Variants in USP12 observed in about 807,000 individuals in gnomAD.
USP12 encodes ubiquitin specific peptidase 12.
Under a neutral mutation model 45.5 loss-of-function variants are expected in USP12, and 19 were observed. The observed-to-expected ratio is 0.42, with a 90% CI of 0.29 to 0.61. USP12 has a LOEUF of 0.61. Ranked by LOEUF, USP12 falls within the 20% of genes least tolerant of loss-of-function variation. USP12 has a pLI of 0.22. For missense variants in USP12, 242 were observed against 447.7 expected, an observed-to-expected ratio of 0.54 and a Z score of 4.15; for synonymous variants, 149 against 148.8, an observed-to-expected ratio of 1.00 and a Z score of -0.01.
At chr13:27,079,312 A>T (rs1056899906) in intron 6 of USP12, among the ~76,000 whole-genome samples, 2 of 152,176 alleles carry the variant, frequency 1.3e-5, no homozygotes, top group Admixed American at 1.3e-4. Flanking sequence ...GTGTCAGAGA[A>T]CCCCAGAGTC....
At chr13:27,154,849 A>G (rs1877742334) in intron 1 of USP12, among the ~76,000 whole-genome samples, 1 of 152,054 alleles carries the variant, frequency 6.6e-6, no homozygotes, top group Non-Finnish European at 1.5e-5. Context: ...GGGAAGCAGG[A>G]CAGTCGCCGT....
intron 4 of USP12, among the ~76,000 whole-genome samples, chr13:27,092,356 C>T (rs917883279): frequency 2.0e-5 from 3 of 152,132 alleles, no homozygotes; most frequent in Non-Finnish European, 2.9e-5. Context: ...TTGTGGATAT[C>T]GACGAACTTG....
chr13:27,130,688 G>GTATC (rs1876459891), intron 1 of USP12, among the ~76,000 whole-genome samples: 1 of 152,174 alleles, frequency 6.6e-6, no homozygotes, highest in African/African-American at 2.4e-5. Flanking sequence ...CGTATCAACG[G>GTATC]TATCACACTG....
chr13:27,131,082 A>AT (rs1876477820), intron 1 of USP12, among the ~76,000 whole-genome samples: 1 of 152,248 alleles, frequency 6.6e-6, no homozygotes, highest in African/African-American at 2.4e-5. Context: ...AGTAAAATTC[A>AT]TTTTTTAAAA....
intron 3 of USP12, among the ~76,000 whole-genome samples, chr13:27,099,728 CA>C (rs1874777053): frequency 6.6e-6 from 1 of 151,950 alleles, no homozygotes. Flanking sequence ...TTCATATATC[CA>C]AATCCATTCC....
chr13:27,151,226 G>C (rs976493561), intron 1 of USP12, among the ~76,000 whole-genome samples: 2 of 151,984 alleles, frequency 1.3e-5, no homozygotes, highest in African/African-American at 4.8e-5. Flanking sequence ...AGCTACTCGG[G>C]AGTCTGAGGC....
At chr13:27,120,779 T>A (rs1875947365) in intron 1 of USP12, among the ~76,000 whole-genome samples, 1 of 152,166 alleles carries the variant, frequency 6.6e-6, no homozygotes, top group African/African-American at 2.4e-5. Flanking sequence ...CTTAGTACCC[T>A]TACTATAGAA....
intron 1 of USP12, among the ~76,000 whole-genome samples, chr13:27,131,108 A>C (rs1349735896): frequency 6.6e-6 from 1 of 152,270 alleles, no homozygotes; most frequent in South Asian, 2.1e-4. Context: ...ACAGATTTAC[A>C]TATGTTAAAC....
intron 6 of USP12, among the ~76,000 whole-genome samples, chr13:27,084,302 T>C (rs532448047): frequency 9.3e-5 from 14 of 151,118 alleles, no homozygotes; most frequent in African/African-American, 3.2e-4. Context: ...GGTCAAAAGA[T>C]TGAGACCATC....
intron 7 of USP12, among the ~76,000 whole-genome samples, chr13:27,074,908 C>T (rs1160230604): frequency 6.6e-6 from 1 of 151,616 alleles, no homozygotes; most frequent in Non-Finnish European, 1.5e-5. Flanking sequence ...TACACACACC[C>T]CAAAAAAGGA....
At chr13:27,166,698 A>G (rs531329812) in intron 1 of USP12, among the ~76,000 whole-genome samples, 1 of 152,336 alleles carries the variant, frequency 6.6e-6, no homozygotes, top group African/African-American at 2.4e-5. Context: ...AGAGTTTTCA[A>G]GCATATTAAA....
intron 1 of USP12, among the ~76,000 whole-genome samples, chr13:27,144,879 G>A (rs1488537749): frequency 6.6e-6 from 1 of 150,758 alleles, no homozygotes; most frequent in African/African-American, 2.4e-5. Context: ...GGGTAATAGG[G>A]CCAAATCCTG....
At chr13:27,072,394 G>C (rs1484788829) in intron 7 of USP12, among the ~76,000 whole-genome samples, 3 of 152,134 alleles carry the variant, frequency 2.0e-5, no homozygotes, top group African/African-American at 7.2e-5. Flanking sequence ...AGGAACAGTA[G>C]ACAAAAGTTA....
intron 1 of USP12, among the ~76,000 whole-genome samples, chr13:27,151,619 C>A (rs970396325): frequency 6.6e-6 from 1 of 151,820 alleles, no homozygotes; most frequent in African/African-American, 2.4e-5. Context: ...CCCATCTCTA[C>A]AAAAAGTAAA....
chr13:27,075,280 A>C lies in USP12; in HGVS notation c.843T>G (p.Pro281=). 6.2e-7 allele frequency: 1 copy of C among 1,614,152 alleles called. No individual in the cohort carries two copies. Among genetic ancestry groups the C allele is most frequent in the Non-Finnish European group, 8.5e-7 (1 of 1,180,002 alleles). The change falls in exon 7 of 9, where the codon CCT becomes CCG. Residue 281 remains proline (P), a synonymous_variant. Transcript: ENST00000282344. Reference sequence around the variant, plus strand: ...AAGTGTTAAACAGACGAAGTTCTAAAGGAAAAACTACCCGGTAAGAGAGTT... The same window carrying C: ...AAGTGTTAAACAGACGAAGTTCTAACGGAAAAACTACCCGGTAAGAGAGTT... ...YTKLSYRVVF[P]LELRLFNTSG...
intron 1 of USP12, among the ~76,000 whole-genome samples, chr13:27,168,719 C>T (rs981539798): frequency 3.9e-5 from 6 of 152,184 alleles, no homozygotes; most frequent in African/African-American, 1.4e-4. Flanking sequence ...GGCTATAATA[C>T]TAACTTATGA....
chr13:27,105,893 G>A lies in USP12; in HGVS notation c.181C>T (p.Arg61Cys), dbSNP rs1250937962. 12 of 1,613,358 alleles carry A rather than the reference G, an allele frequency of 7.4e-6. No individual in the cohort carries two copies. The highest frequency in any genetic ancestry group is 2.2e-5 in the South Asian group (2 of 91,028). Residue 61 changes from arginine (R) to cysteine (C), a missense_variant, in exon 3 of 9, where the codon CGT becomes TGT. Transcript: ENST00000282344. ...NSVLQALYFC[R>C]PFREKVLAYK... Reference sequence around the variant, plus strand: ...GCAAGAACTTTTTCCCGAAATGGACGACAAAAATAAAGTGCTTGAAGAACT... The same window carrying A: ...GCAAGAACTTTTTCCCGAAATGGACAACAAAAATAAAGTGCTTGAAGAACT...
At chr13:27,163,432 CTCTCT>C (rs1424534144) in intron 1 of USP12, among the ~76,000 whole-genome samples, 1 of 152,176 alleles carries the variant, frequency 6.6e-6, no homozygotes, top group Non-Finnish European at 1.5e-5. Flanking sequence ...CAAAGTTCAA[CTCTCT>C]TCTAAGAAGC....
chr13:27,097,022 T>C (rs1874611689), intron 3 of USP12, among the ~76,000 whole-genome samples: 1 of 151,882 alleles, frequency 6.6e-6, no homozygotes. Context: ...AACCTGAAAA[T>C]TATTAACATT....
Sources: allele counts gnomAD v4.1 joint callset (sites outside exome capture counted in the v4.1 genomes callset), GRCh38; gene constraint gnomAD v4.1.1; transcripts MANE v1.5; gene names NCBI Gene and HGNC (gene_info 2026-07-23, HGNC 2026-07-21).